The following RBFOX1 variants were observed in gnomAD, a reference collection of about 807,000 sequenced individuals.
The protein encoded by RBFOX1 is RNA binding protein fox-1 homolog 1.
RBFOX1 carries 8 observed loss-of-function variants against 57.7 expected under a neutral mutation model. That is an observed-to-expected ratio of 0.14 (90% CI 0.08 to 0.25). RBFOX1 has a LOEUF of 0.25. Among genes scored for constraint, RBFOX1 ranks in the 10% least tolerant of loss-of-function variants. The probability of loss-of-function intolerance (pLI) is 1.00; values close to 1 mark genes in which losing one functional copy is unlikely to be tolerated. For missense variants in RBFOX1, 611 were observed against 548.5 expected (o/e 1.11, Z -1.14); for synonymous variants, 326 against 222.4 (o/e 1.47, Z -4.15).
chr16:6,171,528 G>A (rs1037911080), intron 1 of RBFOX1, among the ~76,000 whole-genome samples: 5 of 152,196 alleles, frequency 3.3e-5, no homozygotes, highest in African/African-American at 1.2e-4. Context: ...TCATTGGCTT[G>A]TTGGACCAGC....
chr16:7,369,761 G>C (rs757665043), intron 4 of RBFOX1, among the ~76,000 whole-genome samples: 16 of 152,130 alleles, frequency 1.1e-4, no homozygotes, highest in Non-Finnish European at 2.9e-5. Context: ...GTTTTGTAAT[G>C]TGATTGAAAA....
chr16:7,445,857 T>C (rs1205246323), intron 4 of RBFOX1, among the ~76,000 whole-genome samples: 2 of 152,206 alleles, frequency 1.3e-5, no homozygotes, highest in African/African-American at 2.4e-5. Flanking sequence ...TTGAAGTGGG[T>C]TAATAAATGT....
chr16:5,827,561 G>T (rs1233487243), intron 3 of RBFOX1, among the ~76,000 whole-genome samples: 1 of 152,008 alleles, frequency 6.6e-6, no homozygotes, highest in African/African-American at 2.4e-5. Flanking sequence ...GGTAGTAACT[G>T]TTTTAGGCTT....
intron 3 of RBFOX1, among the ~76,000 whole-genome samples, chr16:6,974,050 A>G (rs1598822097): frequency 6.6e-6 from 1 of 152,042 alleles, no homozygotes; most frequent in African/African-American, 2.4e-5. Context: ...TTCCTGTGTT[A>G]GTTTGCTGAG....
downstream of RBFOX1, among the ~76,000 whole-genome samples, chr16:5,602,599 C>A (rs986059452): frequency 6.6e-6 from 1 of 152,182 alleles, no homozygotes; most frequent in South Asian, 2.1e-4. Flanking sequence ...ATAGATCTCC[C>A]TTTCTCTGAG....
chr16:7,334,593 A>T (rs1216942152), intron 4 of RBFOX1, among the ~76,000 whole-genome samples: 1 of 152,200 alleles, frequency 6.6e-6, no homozygotes, highest in Non-Finnish European at 1.5e-5. Context: ...GTGCCGGTGT[A>T]GGAAAAATAA....
intron 2 of RBFOX1, among the ~76,000 whole-genome samples, chr16:6,601,679 G>C (rs149954335): frequency 1.0e-3 from 153 of 152,242 alleles, no homozygotes; most frequent in African/African-American, 3.5e-3. Flanking sequence ...ACGTATAAGA[G>C]GTCAGATCTG....
At chr16:7,492,938 G>A (rs148920126) in intron 4 of RBFOX1, among the ~76,000 whole-genome samples, 3,863 of 152,192 alleles carry the variant, frequency 0.025, 150 homozygotes, top group African/African-American at 0.088. Context: ...GAGTGCAGTG[G>A]TGCGATCTCA....
intron 3 of RBFOX1, among the ~76,000 whole-genome samples, chr16:6,661,192 T>C (rs1423592473): frequency 1.3e-5 from 2 of 152,180 alleles, no homozygotes; most frequent in East Asian, 3.9e-4. Context: ...GCAATCCAAA[T>C]GAAGCACACA....
At chr16:6,431,909 CTT>C (rs1338236661) in intron 2 of RBFOX1, among the ~76,000 whole-genome samples, 6 of 115,144 alleles carry the variant, frequency 5.2e-5, no homozygotes, top group African/African-American at 1.8e-4. Context: ...TTCTTTCTTT[CTT>C]TCTTTCTTTC....
At chr16:6,682,991 T>A (rs1476817486) in intron 3 of RBFOX1, among the ~76,000 whole-genome samples, 1 of 152,034 alleles carries the variant, frequency 6.6e-6, no homozygotes, top group African/African-American at 2.4e-5. Context: ...TTGAGTGCTT[T>A]ACACAGCTGG....
chr16:7,222,872 G>T (rs141582281), intron 4 of RBFOX1, among the ~76,000 whole-genome samples: 2 of 152,308 alleles, frequency 1.3e-5, no homozygotes, highest in Non-Finnish European at 2.9e-5. Flanking sequence ...GTTTACTAAA[G>T]AGTGTGTTTT....
chr16:5,632,309 C>T (rs1001263522), intron 3 of RBFOX1, among the ~76,000 whole-genome samples: 4 of 152,244 alleles, frequency 2.6e-5, no homozygotes, highest in African/African-American at 9.6e-5. Context: ...CAACCCACAT[C>T]AATCTCTGTG....
chr16:5,493,145 C>T (rs1259696746), intron 2 of RBFOX1, among the ~76,000 whole-genome samples: 2 of 152,218 alleles, frequency 1.3e-5, no homozygotes, highest in Non-Finnish European at 2.9e-5. Flanking sequence ...GTGTTGACAC[C>T]TTACTTAGAT....
At position 6,943,039 on chromosome 16, in the gene RBFOX1, G is replaced by C. The variant is rs527623699; in HGVS notation, c.-15-109018G>C. ...CCAGACCCAAATGGGCAAGCGGGGAGAAAGCTCCCTGAATGCCTTTACGTT... is the reference window on the plus strand; with the variant it reads ...CCAGACCCAAATGGGCAAGCGGGGACAAAGCTCCCTGAATGCCTTTACGTT... On this transcript the variant is annotated intron_variant, in intron 3 of 15. Transcript: ENST00000550418. 2.6e-5 allele frequency among the ~76,000 whole-genome samples: 4 copies of C among 152,306 alleles called. No individual in the cohort carries two copies. The South Asian group carries it at 8.3e-4, about 32-fold the overall frequency.
At chr16:6,949,464 C>T (rs1273933431) in intron 3 of RBFOX1, among the ~76,000 whole-genome samples, 2 of 152,204 alleles carry the variant, frequency 1.3e-5, no homozygotes, top group African/African-American at 4.8e-5. Flanking sequence ...GATTTGTTTT[C>T]TTACCCTTCT....
intron 2 of RBFOX1, among the ~76,000 whole-genome samples, chr16:5,590,072 C>CA (rs1372492500): frequency 3.1e-5 from 3 of 97,476 alleles, no homozygotes; most frequent in Non-Finnish European, 6.4e-5. Flanking sequence ...CACACACACA[C>CA]ACACAAAAAG....
In RBFOX1 at chr16:6,451,602, C is replaced by G. The variant is rs144139058; in HGVS notation, c.-64+134545C>G. Among the ~76,000 whole-genome samples, 14 of 152,284 alleles carry G rather than the reference C, an allele frequency of 9.2e-5. No homozygotes were observed. In the East Asian group the frequency reaches 2.5e-3, roughly 27 times the overall value. On this transcript the variant is annotated intron_variant, in intron 2 of 15. Coordinates refer to ENST00000550418, the MANE Select transcript of RBFOX1 (RefSeq NM_018723.4). ...CTTCACCTGGAAATAATTCACCACTCTCTAACTTAGATACTTCCTGGTCAT... is the reference window on the plus strand; with the variant it reads ...CTTCACCTGGAAATAATTCACCACTGTCTAACTTAGATACTTCCTGGTCAT...
At chr16:7,468,490 G>C in intron 4 of RBFOX1, among the ~76,000 whole-genome samples, 2 of 148,712 alleles carry the variant, frequency 1.3e-5, no homozygotes, top group South Asian at 4.3e-4. Context: ...TGACAACTTG[G>C]AAATAACCCA....
Sources: gnomAD v4.1 joint callset for allele counts (sites outside exome capture counted in the v4.1 genomes callset) on GRCh38, gnomAD v4.1.1 for gene constraint, MANE v1.5 for transcripts, NCBI Gene and HGNC (gene_info 2026-07-23, HGNC 2026-07-21) for gene names.